Variants in DOCK10 observed in about 807,000 individuals in gnomAD.
DOCK10 encodes dedicator of cytokinesis protein 10.
DOCK10 carries 145 observed loss-of-function variants against 280.1 expected under a neutral mutation model. The observed-to-expected ratio is 0.52, with a 90% CI of 0.45 to 0.59. The LOEUF is 0.59. Ranked by LOEUF, DOCK10 falls within the 20% of genes least tolerant of loss-of-function variation. DOCK10 has a pLI of 0.00. For synonymous variants in DOCK10, 915 were observed against 942.2 expected (o/e 0.97, Z 0.53); for missense variants, 2,368 against 2,651.7 (o/e 0.89, Z 2.35).
chr2:224,986,360 G>A (rs1170946155), intron 1 of DOCK10, among the ~76,000 whole-genome samples: 6 of 152,070 alleles, frequency 3.9e-5, no homozygotes, highest in Admixed American at 2.0e-4. Context: ...GTGAGTTTCT[G>A]GTGGGTCCAT....
chr2:224,866,653 G>A (rs1339223298), intron 11 of DOCK10, among the ~76,000 whole-genome samples: 14 of 151,992 alleles, frequency 9.2e-5, no homozygotes, highest in African/African-American at 2.2e-4. Context: ...CTTTCTACAC[G>A]TATTAGCTAG....
intron 3 of DOCK10, among the ~76,000 whole-genome samples, chr2:224,896,894 A>G (rs1389972710): frequency 6.6e-6 from 1 of 152,110 alleles, no homozygotes; most frequent in Non-Finnish European, 1.5e-5. Context: ...TTTCCATTCC[A>G]TTCTTCCATT....
At chr2:224,878,898 T>C (rs957393313) in intron 7 of DOCK10, among the ~76,000 whole-genome samples, 17 of 152,196 alleles carry the variant, frequency 1.1e-4, no homozygotes, top group African/African-American at 4.1e-4. Context: ...TAATTGACTA[T>C]CAAAGAGATA....
intron 2 of DOCK10, among the ~76,000 whole-genome samples, chr2:224,930,438 T>A (rs1256664826): frequency 6.6e-6 from 1 of 152,196 alleles, no homozygotes; most frequent in Non-Finnish European, 1.5e-5. Context: ...GTTTAAAATT[T>A]TGAAAAACAT....
chr2:224,935,169 A>G lies in DOCK10; in HGVS notation c.124-3501T>C, dbSNP rs78809421. Among the ~76,000 whole-genome samples, 1,296 of 152,342 alleles carry G rather than the reference A, an allele frequency of 8.5e-3. 21 individuals are homozygous for G. The highest frequency in any genetic ancestry group is 0.027 in the African/African-American group (1,130 of 41,572). The stretch of plus-strand genomic sequence containing the variant: ...TAAGCCCCAGGGTGGTAAAACTGTC[A>G]TCTTTGTAATAGTCTGGGCTACCCA... On this transcript the variant is annotated intron_variant, in intron 1 of 55. Transcript: ENST00000258390.
At chr2:224,896,270 A>G (rs372487206) in intron 4 of DOCK10, 25 bp downstream of exon 4, 11 of 1,395,858 alleles carry the variant, frequency 7.9e-6, no homozygotes, top group East Asian at 7.0e-5. Flanking sequence ...GAAAAGACCA[A>G]TAAGTGCTCA....
intron 53 of DOCK10, among the ~76,000 whole-genome samples, chr2:224,772,755 C>A (rs112060829): frequency 2.9e-4 from 44 of 152,322 alleles, no homozygotes; most frequent in African/African-American, 1.0e-3. Flanking sequence ...AACATGCATG[C>A]ACCTTTTATG....
intron 1 of DOCK10, among the ~76,000 whole-genome samples, chr2:224,961,470 T>TTTCTTTCTTTC (rs1559874209): frequency 2.5e-5 from 3 of 120,260 alleles, no homozygotes; most frequent in Non-Finnish European, 5.3e-5. Context: ...TTCTTTCTTT[T>TTTCTTTCTTTC]TCTTTCTTTC....
intron 27 of DOCK10, 47 bp from the exon 28 acceptor site, chr2:224,823,694 T>G (rs756136592): frequency 2.9e-5 from 44 of 1,506,056 alleles, no homozygotes; most frequent in Non-Finnish European, 3.6e-5. Flanking sequence ...ATGTGAAATA[T>G]TAAGCCGAGG....
At chr2:224,896,783 A>G (rs995245187) in intron 3 of DOCK10, among the ~76,000 whole-genome samples, 2 of 152,196 alleles carry the variant, frequency 1.3e-5, no homozygotes, top group African/African-American at 4.8e-5. Flanking sequence ...CCATGAAGAC[A>G]GGTCTTGTGC....
In DOCK10 at chr2:224,765,689, C is replaced by A. The variant is rs1690042885; in HGVS notation, c.*32G>T. On this transcript the variant is annotated 3_prime_UTR_variant, in exon 56 of 56. Transcript: ENST00000258390. The stretch of plus-strand genomic sequence containing the variant: ...AGATTAGCTGCAAATTCAGAAAGTT[C>A]TCTTAGAGGTGGGTCTGATGCTGCA... 7.0e-7 allele frequency: 1 copy of A among 1,437,934 alleles called. No homozygotes were observed. Among genetic ancestry groups the A allele is most frequent in the Non-Finnish European group, 9.7e-7 (1 of 1,031,682 alleles). The allele number at this position is 1,437,934 out of a possible 1,614,324, so 89.1% of individuals were successfully genotyped here.
chr2:224,905,693 T>C (rs1700582172), intron 3 of DOCK10, among the ~76,000 whole-genome samples: 1 of 152,210 alleles, frequency 6.6e-6, no homozygotes, highest in African/African-American at 2.4e-5. Flanking sequence ...CCCATCTTGA[T>C]TCTTCTTTGG....
chr2:224,795,574 C>CA (rs1692505891), intron 44 of DOCK10, among the ~76,000 whole-genome samples: 1 of 152,228 alleles, frequency 6.6e-6, no homozygotes, highest in Non-Finnish European at 1.5e-5. Flanking sequence ...ATTTTCTACT[C>CA]ATAAGATACT....
In DOCK10 at chr2:224,773,288, C is replaced by T; in HGVS notation, c.6073G>A (p.Glu2025Lys). Residue 2025 changes from glutamate (E) to lysine (K), a missense_variant, in exon 53 of 56, where the codon GAA becomes AAA. Physicochemically the swap from Glu to Lys is moderately conservative, Grantham distance 56 (BLOSUM62 1). Coordinates refer to ENST00000258390, the MANE Select transcript of DOCK10 (RefSeq NM_014689.3). Reference protein sequence around the residue: ...RIQVISQSSTELNPIEVAIDE... With the variant: ...RIQVISQSSTKLNPIEVAIDE... ...ATTGCCACTTCAATTGGATTCAGTTCTGTGCTCGATTGGCTAATTACTTGT... is the reference window on the plus strand; with the variant it reads ...ATTGCCACTTCAATTGGATTCAGTTTTGTGCTCGATTGGCTAATTACTTGT... 6.2e-7 allele frequency: 1 copy of T among 1,613,934 alleles called. No homozygotes were observed. The highest frequency in any genetic ancestry group is 8.5e-7 in the Non-Finnish European group (1 of 1,179,878).
At chr2:224,797,699 T>G (rs1692680884) in intron 42 of DOCK10, 133 bp downstream of exon 42, 3 of 1,063,932 alleles carry the variant, frequency 2.8e-6, no homozygotes, top group Non-Finnish European at 4.1e-6. Flanking sequence ...AATCAATGTC[T>G]AATAAAACCC....
chr2:224,816,483 C>G, intron 30 of DOCK10, 134 bp downstream of exon 30: 1 of 648,998 alleles, frequency 1.5e-6, no homozygotes, highest in Non-Finnish European at 2.8e-6. Context: ...TTACCTGGGT[C>G]TGATACCCAT....
chr2:224,905,196 G>T (rs530612592), intron 3 of DOCK10, among the ~76,000 whole-genome samples: 58 of 150,310 alleles, frequency 3.9e-4, no homozygotes, highest in Middle Eastern at 3.5e-3. Flanking sequence ...CAGTATTTTG[G>T]TACACAATTT....
chr2:224,796,046 AATT>A (rs373877633), intron 44 of DOCK10, among the ~76,000 whole-genome samples: 40 of 150,312 alleles, frequency 2.7e-4, no homozygotes, highest in Non-Finnish European at 3.8e-4. Context: ...CAAAATAAAC[AATT>A]ATTATTATTA....
intron 33 of DOCK10, 175 bp downstream of exon 33, chr2:224,807,493 G>T (rs1024253729): frequency 5.1e-5 from 26 of 512,650 alleles, no homozygotes; most frequent in African/African-American, 5.0e-4. Context: ...TCAGGTGGAG[G>T]CTAAAGGGAC....
Sources: allele counts gnomAD v4.1 joint callset (sites outside exome capture counted in the v4.1 genomes callset), GRCh38; gene constraint gnomAD v4.1.1; transcripts MANE v1.5; gene names NCBI Gene and HGNC (gene_info 2026-07-23, HGNC 2026-07-21).